The following IRF8 variants were observed in gnomAD, a reference collection of about 807,000 sequenced individuals.
IRF8 encodes interferon regulatory factor 8, also known as interferon consensus sequence binding protein 1.
IRF8 carries 14 observed loss-of-function variants against 48.7 expected under a neutral mutation model. That is an observed-to-expected ratio of 0.29 (90% CI 0.19 to 0.45). IRF8 has a LOEUF of 0.45. Ranked by LOEUF, IRF8 falls within the 20% of genes least tolerant of loss-of-function variation. The pLI is 1.00. For synonymous variants in IRF8, 278 were observed against 227.3 expected, an observed-to-expected ratio of 1.22 and a Z score of -2.01; for missense variants, 493 against 580.7, an observed-to-expected ratio of 0.85 and a Z score of 1.55.
chr16:85,906,399 G>A (rs941394812), intron 2 of IRF8, among the ~76,000 whole-genome samples: 2 of 152,192 alleles, frequency 1.3e-5, no homozygotes, highest in Non-Finnish European at 2.9e-5. Context: ...GCTCAAGAAG[G>A]ATCTCGAGAG....
chr16:85,915,706 G>A (rs1905282289), intron 6 of IRF8, among the ~76,000 whole-genome samples: 2 of 152,212 alleles, frequency 1.3e-5, no homozygotes, highest in Admixed American at 1.3e-4. Flanking sequence ...CTAAGCCTCC[G>A]GGCTCGCCAG....
At chr16:85,901,260 AG>A in intron 1 of IRF8, 1 of 152,322 alleles carries the variant, frequency 6.6e-6, no homozygotes, top group African/African-American at 2.4e-5. Flanking sequence ...AGGAAGCCTC[AG>A]GGAGAGGTTC....
intron 4 of IRF8, among the ~76,000 whole-genome samples, chr16:85,911,882 C>A (rs1905156341): frequency 6.6e-6 from 1 of 152,262 alleles, no homozygotes; most frequent in African/African-American, 2.4e-5. Context: ...CAGATCCCTC[C>A]TTCATCCCTA....
At chr16:85,920,438 G>C (rs1484601435) in intron 8 of IRF8, among the ~76,000 whole-genome samples, 1 of 152,074 alleles carries the variant, frequency 6.6e-6, no homozygotes, top group Non-Finnish European at 1.5e-5. Context: ...AGTAGAGATG[G>C]GGTTTCACCA....
intron 3 of IRF8, 168 bp downstream of exon 3, chr16:85,909,341 C>T (rs1297255024): frequency 1.5e-6 from 1 of 675,440 alleles, no homozygotes; most frequent in Non-Finnish European, 2.6e-6. Flanking sequence ...TTTCCAGTGA[C>T]CTCAGAGGGA....
chr16:85,911,021 T>C (rs1379235241), intron 3 of IRF8, among the ~76,000 whole-genome samples: 1 of 152,194 alleles, frequency 6.6e-6, no homozygotes, highest in African/African-American at 2.4e-5. Context: ...TTAGGCGGTT[T>C]GTGATTACGG....
In IRF8 at chr16:85,913,219, C is replaced by T. The variant is rs899829306; in HGVS notation, c.536C>T (p.Ala179Val). ...AGTCAGCTCCTTCCAGACTGGTGGG[C>T]GCAGCAGCCCAGCACAGGTGAGGGT... is the stretch of plus-strand genomic sequence containing the variant. ...CRSQLLPDWW[A>V]QQPSTGVPLV... Residue 179 changes from alanine (A) to valine (V), a missense_variant, in exon 5 of 9, where the codon GCG becomes GTG. This residue lies in a region of IRF8 where 408 missense variants were observed against 449.6 expected (regional missense o/e 0.91). Transcript: ENST00000268638. The T allele has an allele frequency of 1.1e-5, 18 of 1,613,226 alleles. 1 individual carries two copies. The highest frequency in any genetic ancestry group is 6.7e-5 in the Admixed American group (4 of 60,010).
chr16:85,904,330 A>C (rs1343824405), intron 2 of IRF8, among the ~76,000 whole-genome samples: 1 of 152,186 alleles, frequency 6.6e-6, no homozygotes, highest in Non-Finnish European at 1.5e-5. Context: ...ACCTGAGACC[A>C]CAAACAAGGT....
At chr16:85,909,270 G>T (rs1450993965) in intron 3 of IRF8, 97 bp downstream of exon 3, 7 of 942,958 alleles carry the variant, frequency 7.4e-6, no homozygotes, top group South Asian at 1.4e-5. Context: ...AGGGTCTGGG[G>T]CACATAGTTT....
rs956232894 is a variant in IRF8 at position 85,921,152 on chromosome 16, G to T, written c.1151G>T (p.Ser384Ile). 1.9e-6 allele frequency: 3 copies of T among 1,614,138 alleles called. No homozygotes were observed. The highest frequency in any genetic ancestry group is 2.5e-6 in the Non-Finnish European group (3 of 1,180,036). The change falls in exon 9 of 9, where the codon AGC (serine) becomes ATC (isoleucine). Residue 384 changes from serine to isoleucine, a missense_variant. Physicochemically the swap from Ser to Ile is moderately radical, Grantham distance 142. Transcript: ENST00000268638. ...CAACTGGCAGAAGAGGCTGGGAAGA[G>T]CTGTGGAGCCGGCTCTGTGATGCAG... The part of the protein sequence containing the change: ...VRQLAEEAGK[S>I]CGAGSVMQAP...
In IRF8 at chr16:85,902,802, A is replaced by G. The variant is rs1436289506; in HGVS notation, c.-1-213A>G. 10 of 465,332 alleles carry G rather than the reference A, an allele frequency of 2.1e-5. No homozygotes were observed. In the Admixed American group the frequency reaches 3.4e-4, roughly 16 times the overall value. 28.8% of individuals were successfully genotyped at this position (465,332 alleles called of 1,614,324 possible). A position where few individuals can be genotyped will look rare whatever the true frequency, so the allele number is the denominator to read the frequency against. On this transcript the variant is annotated intron_variant, in intron 1 of 8. Transcript: ENST00000268638. ...GGCTGCTGGTGGCTGCAGGTTTCCC[A>G]CGGAGCTTTCAGTTTGCACTCAGGG... is the stretch of plus-strand genomic sequence containing the variant.
At chr16:85,907,891 G>A (rs1367009606) in intron 2 of IRF8, among the ~76,000 whole-genome samples, 1 of 152,070 alleles carries the variant, frequency 6.6e-6, no homozygotes, top group Non-Finnish European at 1.5e-5. Flanking sequence ...GGTACAGCTG[G>A]CATTTAATCC....
At chr16:85,902,512 C>G (rs1904855588) in intron 1 of IRF8, among the ~76,000 whole-genome samples, 1 of 152,192 alleles carries the variant, frequency 6.6e-6, no homozygotes, top group Non-Finnish European at 1.5e-5. Flanking sequence ...GATGGGCTGG[C>G]CTGAGGGCCT....
chr16:85,905,731 A>C (rs1359614487), intron 2 of IRF8, among the ~76,000 whole-genome samples: 3 of 152,338 alleles, frequency 2.0e-5, no homozygotes, highest in Middle Eastern at 3.4e-3. Context: ...GGTCAGGTAG[A>C]GCCATCTTAG....
At chr16:85,918,395 A>G in intron 6 of IRF8, 22 bp from the exon 7 acceptor site, 3 of 1,593,536 alleles carry the variant, frequency 1.9e-6, no homozygotes, top group Non-Finnish European at 2.5e-6. Flanking sequence ...CAGCACCGTC[A>G]TCGTGTCCCT....
intron 2 of IRF8, among the ~76,000 whole-genome samples, chr16:85,906,160 C>CA (rs1384807462): frequency 6.6e-6 from 1 of 152,184 alleles, no homozygotes; most frequent in African/African-American, 2.4e-5. Flanking sequence ...AGATATTTCT[C>CA]ATTCAGCAGG....
intron 2 of IRF8, among the ~76,000 whole-genome samples, chr16:85,906,991 G>T (rs1447066864): frequency 6.6e-6 from 1 of 152,082 alleles, no homozygotes. Flanking sequence ...TTAGTACATG[G>T]TTTGCTGGTT....
At chr16:85,901,116 G>A (rs1406807849) in intron 1 of IRF8, 1 of 152,378 alleles carries the variant, frequency 6.6e-6, no homozygotes, top group Non-Finnish European at 1.5e-5. Flanking sequence ...GGAGTGTGGG[G>A]GGGTCTTTGG....
At chr16:85,918,111 C>T (rs1392873793) in intron 6 of IRF8, among the ~76,000 whole-genome samples, 3 of 152,170 alleles carry the variant, frequency 2.0e-5, no homozygotes, top group East Asian at 1.9e-4. Context: ...CTCAGCTTGA[C>T]GTGTAAATTA....
Sources: allele counts gnomAD v4.1 joint callset (sites outside exome capture counted in the v4.1 genomes callset), GRCh38; gene constraint gnomAD v4.1.1; regional missense constraint gnomAD v4.1.1; transcripts MANE v1.5; gene names NCBI Gene and HGNC (gene_info 2026-07-23, HGNC 2026-07-21).